GALNT13: variants seen among roughly 807,000 people sequenced by gnomAD.
GALNT13 encodes polypeptide N-acetylgalactosaminyltransferase 13.
Under a neutral mutation model 64.2 loss-of-function variants are expected in GALNT13, and 28 were observed. The observed-to-expected ratio is 0.44, with a 90% CI of 0.32 to 0.60. GALNT13 has a LOEUF of 0.60. Ranked by LOEUF, GALNT13 falls within the 20% of genes least tolerant of loss-of-function variation. GALNT13 has a pLI of 0.05. For missense variants in GALNT13, 577 were observed against 669.8 expected (o/e 0.86, Z 1.53); for synonymous variants, 214 against 224.6 (o/e 0.95, Z 0.42).
chr2:153,920,013 A>G (rs927092412), intron 2 of GALNT13, among the ~76,000 whole-genome samples: 6 of 148,038 alleles, frequency 4.1e-5, no homozygotes, highest in Admixed American at 6.8e-5. Context: ...TATAACAGTT[A>G]TATATATTAT....
intron 3 of GALNT13, among the ~76,000 whole-genome samples, chr2:154,052,084 T>G (rs1032751162): frequency 6.6e-6 from 1 of 152,100 alleles, no homozygotes; most frequent in Non-Finnish European, 1.5e-5. Context: ...TGCTTGAAAA[T>G]CTTTACTAAT....
At chr2:153,892,987 A>T (rs1470067684) in intron 1 of GALNT13, among the ~76,000 whole-genome samples, 1 of 152,062 alleles carries the variant, frequency 6.6e-6, no homozygotes, top group Non-Finnish European at 1.5e-5. Flanking sequence ...CCCTCACAAG[A>T]TATGAAGTCT....
chr2:153,328,331 G>A, the GALNT13 span, among the ~76,000 whole-genome samples: 1 of 152,188 alleles, frequency 6.6e-6, no homozygotes, highest in Non-Finnish European at 1.5e-5. Context: ...CTGCAGTGCT[G>A]TGCTGGGAGA....
At chr2:154,328,736 G>T (rs544184991) in intron 9 of GALNT13, among the ~76,000 whole-genome samples, 3 of 152,034 alleles carry the variant, frequency 2.0e-5, no homozygotes, top group African/African-American at 4.8e-5. Context: ...TTCTAAAGTT[G>T]TGCCAACATT....
chr2:153,410,884 G>T, the GALNT13 span, among the ~76,000 whole-genome samples: 1 of 151,752 alleles, frequency 6.6e-6, no homozygotes, highest in Non-Finnish European at 1.5e-5. Context: ...TAGAGAGAGA[G>T]AGAGAGAGAA....
At chr2:153,340,859 G>T in the GALNT13 span, among the ~76,000 whole-genome samples, 2 of 152,088 alleles carry the variant, frequency 1.3e-5, no homozygotes, top group Admixed American at 1.3e-4. Flanking sequence ...TACTTTTTAG[G>T]AGAGGCAGCA....
the GALNT13 span, among the ~76,000 whole-genome samples, chr2:153,285,626 T>C: frequency 6.6e-6 from 1 of 152,178 alleles, no homozygotes; most frequent in African/African-American, 2.4e-5. Context: ...ATTTAGTAAG[T>C]GATGGTTATA....
At chr2:153,764,289 C>T in the GALNT13 span, among the ~76,000 whole-genome samples, 1 of 152,262 alleles carries the variant, frequency 6.6e-6, no homozygotes, top group Non-Finnish European at 1.5e-5. Flanking sequence ...GTAATCCCAG[C>T]ACTTTGGGAG....
chr2:153,134,008 C>G, the GALNT13 span, among the ~76,000 whole-genome samples: 26 of 152,304 alleles, frequency 1.7e-4, no homozygotes, highest in East Asian at 5.8e-4. Context: ...GAAGCACAAA[C>G]AGCATTAATA....
At chr2:153,250,599 C>A in the GALNT13 span, among the ~76,000 whole-genome samples, 1 of 152,088 alleles carries the variant, frequency 6.6e-6, no homozygotes, top group African/African-American at 2.4e-5. Flanking sequence ...TATTGCAGCA[C>A]TATTTACAAT....
chr2:153,555,352 G>A, the GALNT13 span, among the ~76,000 whole-genome samples: 80 of 136,342 alleles, frequency 5.9e-4, 5 homozygotes, highest in Admixed American at 3.3e-3. Context: ...CCGCTACCAC[G>A]CCCGGCTAAT....
chr2:153,267,584 C>T, the GALNT13 span, among the ~76,000 whole-genome samples: 3 of 152,206 alleles, frequency 2.0e-5, no homozygotes, highest in Non-Finnish European at 2.9e-5. Context: ...GAACCCAAGG[C>T]ACCAAGTCCT....
the GALNT13 span, among the ~76,000 whole-genome samples, chr2:153,681,849 A>G: frequency 6.6e-6 from 1 of 151,844 alleles, no homozygotes; most frequent in Admixed American, 6.6e-5. Context: ...AAAATGTTTT[A>G]GGCTTAATAT....
the GALNT13 span, among the ~76,000 whole-genome samples, chr2:153,409,000 C>G: frequency 6.6e-6 from 1 of 152,124 alleles, no homozygotes; most frequent in South Asian, 2.1e-4. Flanking sequence ...CTTTATCTTT[C>G]TCCTGTGCTG....
chr2:153,088,728 C>T, the GALNT13 span, among the ~76,000 whole-genome samples: 1 of 151,916 alleles, frequency 6.6e-6, no homozygotes, highest in Non-Finnish European at 1.5e-5. Flanking sequence ...TATGTCCCTC[C>T]TTGTCTATTT....
chr2:153,526,432 G>A, the GALNT13 span, among the ~76,000 whole-genome samples: 3 of 152,212 alleles, frequency 2.0e-5, no homozygotes, highest in Non-Finnish European at 2.9e-5. Context: ...GAACTCACCT[G>A]CATCTTGTCC....
the GALNT13 span, among the ~76,000 whole-genome samples, chr2:153,542,741 A>G: frequency 6.6e-6 from 1 of 152,320 alleles, no homozygotes; most frequent in East Asian, 1.9e-4. Context: ...TTGCATAGCT[A>G]GGCCTAGGAG....
At chr2:153,189,686 A>G in the GALNT13 span, among the ~76,000 whole-genome samples, 3 of 152,216 alleles carry the variant, frequency 2.0e-5, no homozygotes, top group African/African-American at 7.2e-5. Context: ...ACAGTGATTC[A>G]TAATGGCTGT....
chr2:153,964,466 A>G (rs1693187213), intron 3 of GALNT13, among the ~76,000 whole-genome samples: 1 of 152,108 alleles, frequency 6.6e-6, no homozygotes, highest in African/African-American at 2.4e-5. Context: ...AAAAAAGAAC[A>G]GCATTTTCAT....
Sources: gnomAD v4.1 joint callset for allele counts (sites outside exome capture counted in the v4.1 genomes callset) on GRCh38, gnomAD v4.1.1 for gene constraint, MANE v1.5 for transcripts, NCBI Gene and HGNC (gene_info 2026-07-23, HGNC 2026-07-21) for gene names.